POLA1: variants seen among roughly 807,000 people sequenced by gnomAD.
POLA1 encodes DNA polymerase alpha catalytic subunit.
Under a neutral mutation model 124.0 loss-of-function variants are expected in POLA1, and 15 were observed. The observed-to-expected ratio is 0.12, with a 90% CI of 0.08 to 0.19. POLA1 has a LOEUF of 0.19. POLA1 is among the 10% of genes least tolerant of loss of function. The pLI is 1.00. For missense variants in POLA1, 886 were observed against 1,103.4 expected, an observed-to-expected ratio of 0.80 and a Z score of 2.79; for synonymous variants, 408 against 389.4, an observed-to-expected ratio of 1.05 and a Z score of -0.56.
intron 30 of POLA1, among the ~76,000 whole-genome samples, chrX:24,819,921 C>T (rs891988793): frequency 7.2e-5 from 8 of 111,480 alleles, no homozygotes; most frequent in Non-Finnish European, 1.3e-4. Context: ...GTTTTCTGTT[C>T]CTGTGTTAGT....
intron 30 of POLA1, 146 bp from the exon 31 acceptor site, chrX:24,821,306 T>A (rs2046083569): frequency 2.5e-5 from 10 of 398,590 alleles, no homozygotes. Flanking sequence ...TGTTTAAAGA[T>A]TCTGTAGCAA....
intron 26 of POLA1, among the ~76,000 whole-genome samples, chrX:24,768,533 A>G (rs928527582): frequency 8.9e-6 from 1 of 112,412 alleles, no homozygotes; most frequent in African/African-American, 3.2e-5. Flanking sequence ...AAACAAATAG[A>G]TACAGAAAAT....
At chrX:24,863,958 C>CTATT (rs61095074) in intron 34 of POLA1, among the ~76,000 whole-genome samples, 10,675 of 96,889 alleles carry the variant, frequency 0.11, 583 homozygotes, top group East Asian at 0.14. Context: ...TTTTCTGGAA[C>CTATT]TATTTATTTA....
At chrX:24,704,775 G>A (rs1928686245) in intron 4 of POLA1, among the ~76,000 whole-genome samples, 1 of 112,124 alleles carries the variant, frequency 8.9e-6, no homozygotes, top group African/African-American at 3.2e-5. Context: ...GGCTGCAACA[G>A]TAATTGATCT....
chrX:24,721,179 C>T (rs191301865), intron 10 of POLA1, among the ~76,000 whole-genome samples: 1 of 112,932 alleles, frequency 8.9e-6, no homozygotes, highest in African/African-American at 3.2e-5. Flanking sequence ...ATTGATCTGT[C>T]ATCCAAATGC....
At chrX:24,830,797 G>T (rs2147035139) in intron 32 of POLA1, among the ~76,000 whole-genome samples, 1 of 112,092 alleles carries the variant, frequency 8.9e-6, no homozygotes, top group South Asian at 3.7e-4. Flanking sequence ...GTTCATTTTT[G>T]AATTTCATCT....
At chrX:24,917,513 T>C (rs2047551955) in intron 35 of POLA1, among the ~76,000 whole-genome samples, 1 of 112,111 alleles carries the variant, frequency 8.9e-6, no homozygotes, top group Non-Finnish European at 1.9e-5. Context: ...ACTGAATAAC[T>C]ACTTATTCAA....
chrX:24,760,047 A>G (rs1323827060), intron 26 of POLA1, among the ~76,000 whole-genome samples: 2 of 112,247 alleles, frequency 1.8e-5, no homozygotes, highest in Admixed American at 1.9e-4. Context: ...CTCCTTGTTA[A>G]GCGATAAAAA....
chrX:24,747,341 TTTTAG>T (rs759818236), intron 24 of POLA1, among the ~76,000 whole-genome samples: 27 of 109,519 alleles, frequency 2.5e-4, no homozygotes, highest in Admixed American at 9.8e-4. Flanking sequence ...AATTTTGTAT[TTTTAG>T]TAGAGATGGG....
At position 24,761,710 on chromosome X, in the gene POLA1, T is replaced by C. The variant is rs181767343; in HGVS notation, c.2964+12718T>C. On this transcript the variant is annotated intron_variant, in intron 26 of 36. Coordinates refer to ENST00000379068, the MANE Select transcript of POLA1 (RefSeq NM_001330360.2). ...ATAGGGCAGAAAAAAATAATTTGTC[T>C]TCAGAAGATTGGCTTAGAGTGGCTG... is the stretch of plus-strand genomic sequence containing the variant. Among the ~76,000 whole-genome samples the C allele has an allele frequency of 6.2e-3, 693 of 112,150 alleles. 8 individuals carry two copies. Among genetic ancestry groups the C allele is most frequent in the Admixed American group, 9.9e-3 (105 of 10,602 alleles).
intron 26 of POLA1, among the ~76,000 whole-genome samples, chrX:24,772,225 A>T (rs2045053055): frequency 9.0e-6 from 1 of 111,731 alleles, no homozygotes; most frequent in South Asian, 3.8e-4. Context: ...TGCAATAAAC[A>T]TCTTCTACAT....
At chrX:24,972,607 G>A (rs774616813) in intron 36 of POLA1, among the ~76,000 whole-genome samples, 23 of 111,772 alleles carry the variant, frequency 2.1e-4, no homozygotes, top group East Asian at 2.0e-3. Flanking sequence ...AAAGGCTGTC[G>A]GCATCACCCT....
chrX:24,972,512 C>T (rs1472415531), intron 36 of POLA1, among the ~76,000 whole-genome samples: 3 of 111,756 alleles, frequency 2.7e-5, no homozygotes, highest in South Asian at 3.8e-4. Flanking sequence ...CTGCAGTTCC[C>T]AAACGTATAT....
intron 15 of POLA1, among the ~76,000 whole-genome samples, chrX:24,730,653 A>T (rs188044318): frequency 4.4e-5 from 5 of 112,573 alleles, no homozygotes; most frequent in Non-Finnish European, 9.4e-5. Context: ...AAGCAACGAC[A>T]GTATTAAAAT....
intron 35 of POLA1, among the ~76,000 whole-genome samples, chrX:24,923,178 T>C (rs764951967): frequency 1.8e-5 from 2 of 111,632 alleles, no homozygotes; most frequent in South Asian, 7.6e-4. Context: ...GTACATTCTA[T>C]ATAATCTTCT....
At chrX:24,760,538 C>T (rs1427607974) in intron 26 of POLA1, among the ~76,000 whole-genome samples, 3 of 111,978 alleles carry the variant, frequency 2.7e-5, no homozygotes, top group African/African-American at 6.5e-5. Flanking sequence ...TTAGCATACC[C>T]GTCACAACAG....
intron 30 of POLA1, among the ~76,000 whole-genome samples, chrX:24,816,524 G>T (rs781445286): frequency 8.9e-6 from 1 of 112,467 alleles, no homozygotes; most frequent in African/African-American, 3.2e-5. Flanking sequence ...AAGTGATGAA[G>T]TGTACACATA....
At chrX:24,774,839 A>G (rs2045104204) in intron 26 of POLA1, among the ~76,000 whole-genome samples, 1 of 112,290 alleles carries the variant, frequency 8.9e-6, no homozygotes, top group South Asian at 3.7e-4. Flanking sequence ...TAATATTTGG[A>G]GCATTGGCTT....
At chrX:24,882,429 G>C (rs748274238) in intron 34 of POLA1, among the ~76,000 whole-genome samples, 1 of 111,068 alleles carries the variant, frequency 9.0e-6, no homozygotes, top group African/African-American at 3.3e-5. Flanking sequence ...CTGTCACCCA[G>C]GTAGTGAGCA....
Sources: gnomAD v4.1 joint callset for allele counts (sites outside exome capture counted in the v4.1 genomes callset) on GRCh38, gnomAD v4.1.1 for gene constraint, MANE v1.5 for transcripts, NCBI Gene and HGNC (gene_info 2026-07-23, HGNC 2026-07-21) for gene names.